WWOX: variants seen among roughly 807,000 people sequenced by gnomAD.
WWOX encodes WW domain containing oxidoreductase.
Under a neutral mutation model 46.2 loss-of-function variants are expected in WWOX, and 69 were observed. The ratio of observed to expected loss-of-function variants is 1.49; its 90% CI spans 1.23 to 1.82. The LOEUF is 1.82. WWOX is among the 40% of genes most tolerant of loss of function. WWOX has a pLI of 0.00. For missense variants in WWOX, 919 were observed against 542.6 expected (o/e 1.69, Z -6.89); for synonymous variants, 359 against 202.6 (o/e 1.77, Z -6.56).
At chr16:78,656,824 G>T (rs374736502) in intron 8 of WWOX, among the ~76,000 whole-genome samples, 1 of 152,146 alleles carries the variant, frequency 6.6e-6, no homozygotes, top group Non-Finnish European at 1.5e-5. Flanking sequence ...CAGAAGACTG[G>T]TGAGTTCTAG....
chr16:78,663,232 T>C (rs2047257661), intron 8 of WWOX, among the ~76,000 whole-genome samples: 1 of 152,214 alleles, frequency 6.6e-6, no homozygotes, highest in Non-Finnish European at 1.5e-5. Flanking sequence ...GGGTAATTGA[T>C]ATAAATGGAA....
At chr16:78,622,197 A>T (rs1174441978) in intron 8 of WWOX, among the ~76,000 whole-genome samples, 3 of 152,148 alleles carry the variant, frequency 2.0e-5, no homozygotes, top group African/African-American at 4.8e-5. Flanking sequence ...TCTCTCCTGC[A>T]CCAAGTTTCT....
chr16:78,904,677 G>C (rs1167562595), intron 8 of WWOX, among the ~76,000 whole-genome samples: 2 of 152,108 alleles, frequency 1.3e-5, no homozygotes, highest in Non-Finnish European at 1.5e-5. Flanking sequence ...TTTGAGAGAG[G>C]TTGGGGAGCA....
intron 5 of WWOX, among the ~76,000 whole-genome samples, chr16:78,233,076 A>G (rs1028069004): frequency 6.6e-6 from 1 of 152,216 alleles, no homozygotes; most frequent in Admixed American, 6.5e-5. Flanking sequence ...TGTAGAAGGA[A>G]GGCCAAGAAA....
chr16:78,425,068 T>C lies in WWOX; in HGVS notation c.791+13T>C. 1 of 1,613,016 alleles carries C rather than the reference T, an allele frequency of 6.2e-7. No individual in the cohort carries two copies. ...CAGAGTCCCATCGGTGGGTTTGAATTGCATATTTGTTCACTTATCCCCTTT... is the reference window on the plus strand; with the variant it reads ...CAGAGTCCCATCGGTGGGTTTGAATCGCATATTTGTTCACTTATCCCCTTT... On this transcript the variant is annotated intron_variant, in intron 7 of 8. Coordinates refer to ENST00000566780, the MANE Select transcript of WWOX (RefSeq NM_016373.4).
rs141268893 is a variant in WWOX, at chr16:78,841,705, G to A, written c.1057-369903G>A. 4.5e-3 allele frequency among the ~76,000 whole-genome samples: 686 copies of A among 152,082 alleles called. 3 individuals are homozygous for A. The highest frequency in any genetic ancestry group is 0.016 in the African/African-American group (655 of 41,500). On this transcript the variant is annotated intron_variant, in intron 8 of 8. Transcript: ENST00000566780. ...CAAACATTAGACGATTTCATTTTGG[G>A]CTTCTGATACACTCCTGTCCGAGAA...
intron 8 of WWOX, among the ~76,000 whole-genome samples, chr16:79,081,870 T>G (rs1175971135): frequency 6.6e-6 from 1 of 152,098 alleles, no homozygotes; most frequent in East Asian, 1.9e-4. Context: ...TTAGGACCCC[T>G]TTTTCTATCC....
chr16:78,717,151 T>C (rs921272065), intron 8 of WWOX, among the ~76,000 whole-genome samples: 6 of 152,180 alleles, frequency 3.9e-5, no homozygotes, highest in Admixed American at 3.9e-4. Context: ...TCTGTGTAAA[T>C]CTAGTCTGTC....
intron 4 of WWOX, among the ~76,000 whole-genome samples, chr16:78,131,223 G>C (rs1053029122): frequency 6.6e-6 from 1 of 152,018 alleles, no homozygotes; most frequent in Non-Finnish European, 1.5e-5. Context: ...AAATTGATTC[G>C]CTTTTGTGAG....
intron 5 of WWOX, among the ~76,000 whole-genome samples, chr16:78,383,419 A>C (rs2081996360): frequency 1.3e-5 from 2 of 152,162 alleles, no homozygotes; most frequent in Non-Finnish European, 2.9e-5. Flanking sequence ...GAAGATCATG[A>C]GCTAAACCAA....
At chr16:79,023,646 G>A (rs151242357) in intron 8 of WWOX, among the ~76,000 whole-genome samples, 187 of 152,226 alleles carry the variant, frequency 1.2e-3, no homozygotes, top group African/African-American at 4.3e-3. Context: ...TACGCTGGAC[G>A]TGGTGGCTTA....
chr16:78,392,775 C>T (rs1369617460), intron 6 of WWOX, among the ~76,000 whole-genome samples: 1 of 152,136 alleles, frequency 6.6e-6, no homozygotes, highest in Non-Finnish European at 1.5e-5. Context: ...TCCAAGAGTA[C>T]ACACAGGCCT....
At chr16:78,367,122 G>A (rs2081553237) in intron 5 of WWOX, among the ~76,000 whole-genome samples, 2 of 151,918 alleles carry the variant, frequency 1.3e-5, no homozygotes, top group Admixed American at 1.3e-4. Context: ...TGGTACTACA[G>A]GTGCCTGCCA....
intron 8 of WWOX, among the ~76,000 whole-genome samples, chr16:78,603,354 G>T (rs1479764441): frequency 6.6e-6 from 1 of 152,104 alleles, no homozygotes; most frequent in East Asian, 1.9e-4. Flanking sequence ...TGAGTATCAG[G>T]GATGAACGCC....
chr16:78,548,178 A>T (rs61299140), intron 8 of WWOX, among the ~76,000 whole-genome samples: 63,832 of 112,490 alleles, frequency 0.57, 21,152 homozygotes, highest in East Asian at 0.72. Context: ...AAAAAAAAAA[A>T]TTACGAATTT....
chr16:78,195,530 A>C (rs1425671476), intron 5 of WWOX, among the ~76,000 whole-genome samples: 2 of 152,040 alleles, frequency 1.3e-5, no homozygotes, highest in African/African-American at 2.4e-5. Flanking sequence ...AGTGATTTCT[A>C]AGTGCTAAGA....
rs2052561809 is a variant in WWOX, at chr16:78,856,180, C to T, written c.1057-355428C>T. 3.9e-5 allele frequency among the ~76,000 whole-genome samples: 6 copies of T among 152,016 alleles called. No individual in the cohort carries two copies. The South Asian group carries it at 1.2e-3, about 31-fold the overall frequency. On this transcript the variant is annotated intron_variant, in intron 8 of 8. Transcript: ENST00000566780. ...GTCCCTAGAAATAATTTTTTTGGTG[C>T]ATAAAGGGCCAGAACAGAATGACAG...
intron 8 of WWOX, among the ~76,000 whole-genome samples, chr16:78,779,655 C>T (rs1046328910): frequency 8.5e-5 from 13 of 152,180 alleles, no homozygotes; most frequent in African/African-American, 2.9e-4. Flanking sequence ...CAGAGGGCCC[C>T]AGTTCACACT....
intron 8 of WWOX, among the ~76,000 whole-genome samples, chr16:78,813,341 T>A (rs1400188699): frequency 6.6e-6 from 1 of 152,150 alleles, no homozygotes; most frequent in African/African-American, 2.4e-5. Context: ...CTCAGAAATT[T>A]AAGTCCAAGA....
Sources: allele counts gnomAD v4.1 joint callset (sites outside exome capture counted in the v4.1 genomes callset), GRCh38; gene constraint gnomAD v4.1.1; transcripts MANE v1.5; gene names NCBI Gene and HGNC (gene_info 2026-07-23, HGNC 2026-07-21).